TARS3: variants seen among roughly 807,000 people sequenced by gnomAD.
The protein encoded by TARS3 is threonine--tRNA ligase 2, cytoplasmic.
A neutral mutation model predicts 103.5 loss-of-function variants in TARS3; 94 were observed. That is an observed-to-expected ratio of 0.91 (90% CI 0.77 to 1.08). TARS3 has a LOEUF of 1.08. Among genes scored for constraint, TARS3 ranks in the 50% least tolerant of loss-of-function variants. The pLI, the probability that TARS3 is intolerant of heterozygous loss-of-function variation, is 0.00. For synonymous variants in TARS3, 416 were observed against 355.4 expected (o/e 1.17, Z -1.92); for missense variants, 952 against 995.2 (o/e 0.96, Z 0.58).
chr15:101,654,310 T>C lies in TARS3; in HGVS notation c.*272A>G, dbSNP rs1349003969. ...CATAATCATTTCCTAGTGTTTTGTT[T>C]CACTTTCTCGATGAATAATATTTCC... On this transcript the variant is annotated 3_prime_UTR_variant, in exon 19 of 19. Transcript: ENST00000335968. 2 of 336,434 alleles carry C rather than the reference T, an allele frequency of 5.9e-6. No homozygotes were observed. The highest frequency in any genetic ancestry group is 4.2e-5 in the African/African-American group (2 of 47,088). The allele number at this position is 336,434 out of a possible 1,614,324, so 20.8% of individuals were successfully genotyped here.
intron 10 of TARS3, among the ~76,000 whole-genome samples, chr15:101,686,498 A>T (rs1006255130): frequency 6.6e-6 from 1 of 152,188 alleles, no homozygotes; most frequent in Non-Finnish European, 1.5e-5. Context: ...ATTTTAGTGT[A>T]TAACGATTTA....
At chr15:101,679,304 G>A (rs904441964) in intron 12 of TARS3, among the ~76,000 whole-genome samples, 10 of 152,028 alleles carry the variant, frequency 6.6e-5, no homozygotes, top group African/African-American at 2.2e-4. Flanking sequence ...CTGTTCTCAG[G>A]CTCTGTTCTT....
At chr15:101,675,537 G>A in intron 13 of TARS3, 63 bp downstream of exon 13, 1 of 1,499,952 alleles carries the variant, frequency 6.7e-7, no homozygotes, top group Non-Finnish European at 9.1e-7. Flanking sequence ...TGTGAAGACT[G>A]CAGCCTCTCA....
chr15:101,667,739 TTTTTTA>T lies in TARS3; in HGVS notation c.1967+3741_1967+3746del, dbSNP rs1019727753. Reference sequence around the variant, plus strand: ...GCACCCACCACCACGCCCAGCTAATTTTTTTATTTTTATTTTTGTATTTTTAGTAGA... The same window carrying T: ...GCACCCACCACCACGCCCAGCTAATTTTTTTATTTTTGTATTTTTAGTAGA... On this transcript the variant is annotated intron_variant, in intron 15 of 18. Transcript: ENST00000335968. Among the ~76,000 whole-genome samples the T allele has an allele frequency of 1.1e-4, 17 of 151,846 alleles. 1 individual carries two copies. The highest frequency in any genetic ancestry group is 4.1e-4 in the African/African-American group (17 of 41,344).
Position 101,702,266 on chromosome 15 carries a change from C to G in TARS3, c.1194G>C (p.Lys398Asn), listed in dbSNP as rs1312450410. 1.2e-6 allele frequency: 2 copies of G among 1,613,974 alleles called. No homozygotes were observed. Among genetic ancestry groups the G allele is most frequent in the African/African-American group, 1.3e-5 (1 of 74,916 alleles). ...RDWEKFQEEA[K>N]NRDHRKIGKE... ...TCCCGATCTTCCTGTGATCTCGGTT[C>G]TTTGCTTCCTCTTGGAACTTTTCCC... Residue 398 changes from lysine to asparagine, a missense_variant, in exon 9 of 19, where the codon AAG becomes AAC. Physicochemically the swap from Lys to Asn is moderately conservative, Grantham distance 94 (BLOSUM62 0). Coordinates refer to ENST00000335968, the MANE Select transcript of TARS3 (RefSeq NM_152334.3).
At chr15:101,681,807 T>A (rs187468593) in intron 12 of TARS3, among the ~76,000 whole-genome samples, 64 of 152,312 alleles carry the variant, frequency 4.2e-4, no homozygotes, top group African/African-American at 1.5e-3. Flanking sequence ...CACCATCACA[T>A]TGGGGGTTAG....
chr15:101,703,650 A>C (rs1047269546), intron 8 of TARS3, among the ~76,000 whole-genome samples: 3 of 152,210 alleles, frequency 2.0e-5, no homozygotes, highest in Non-Finnish European at 2.9e-5. Context: ...CACTTACAAT[A>C]AGGTAAAATG....
chr15:101,721,267 TTCAG>T lies in TARS3; in HGVS notation c.421_424del (p.Leu141ArgfsTer23). The T allele has an allele frequency of 6.2e-7, 1 of 1,613,796 alleles. No individual in the cohort carries two copies. The highest frequency in any genetic ancestry group is 8.5e-7 in the Non-Finnish European group (1 of 1,179,718). On this transcript the variant is annotated frameshift_variant, in exon 3 of 19. Transcript: ENST00000335968. LOFTEE classifies it high-confidence loss of function. ...GGCAAGTAAGAGCTGATGGTCTTTC[TTCAG>T]TATTTCAAAAAGCTTCAATCTTTCT...
At position 101,671,517 on chromosome 15, in the gene TARS3, G is replaced by A; in HGVS notation, c.1936C>T (p.Leu646=). Residue 646 remains leucine, a synonymous_variant, in exon 15 of 19, where the codon CTG becomes TTG. Transcript: ENST00000335968. ...QCATIQLDFQ[L]PIRFNLTYVS... ...TATGTGAGATTAAATCTAATAGGCA[G>A]TTGGAAGTCCAGCTGAATTGTAGCA... 11 of 1,610,676 alleles carry A rather than the reference G, an allele frequency of 6.8e-6. No homozygotes were observed. Among genetic ancestry groups the A allele is most frequent in the Non-Finnish European group, 9.3e-6 (11 of 1,177,076 alleles).
chr15:101,671,586 T>C lies in TARS3; in HGVS notation c.1867A>G (p.Ile623Val). Residue 623 changes from isoleucine to valine, a missense_variant and splice_region_variant, in exon 15 of 19, where the codon ATT becomes GTT. Ile to Val is a conservative substitution (Grantham distance 29, BLOSUM62 3). Transcript: ENST00000335968. ...PGDGAFYGPK[I>V]DIKIKDAIGR... ...ATAGCATCCTTGATTTTTATGTCAA[T>C]CTACAAATTAAATAATGTTTGCTCA... 6.2e-7 allele frequency: 1 copy of C among 1,610,538 alleles called. No individual in the cohort carries two copies. Among genetic ancestry groups the C allele is most frequent in the Non-Finnish European group, 8.5e-7 (1 of 1,177,000 alleles).
chr15:101,687,074 G>A (rs1898506028), intron 10 of TARS3, among the ~76,000 whole-genome samples: 1 of 152,082 alleles, frequency 6.6e-6, no homozygotes, highest in Non-Finnish European at 1.5e-5. Context: ...CATTCAGTGA[G>A]CTGCTTTACC....
intron 3 of TARS3, 90 bp from the exon 4 acceptor site, chr15:101,715,053 T>C: frequency 7.5e-7 from 1 of 1,339,050 alleles, no homozygotes; most frequent in Non-Finnish European, 1.0e-6. Flanking sequence ...GTTTTTTTTT[T>C]TTGAAGTGTA....
At chr15:101,702,502 G>T in intron 8 of TARS3, 117 bp from the exon 9 acceptor site, 1 of 846,852 alleles carries the variant, frequency 1.2e-6, no homozygotes, top group Non-Finnish European at 1.9e-6. Context: ...CTGCATGGTG[G>T]CTCATGCCTA....
intron 4 of TARS3, among the ~76,000 whole-genome samples, chr15:101,714,524 G>A (rs1900032487): frequency 6.9e-6 from 1 of 145,652 alleles, no homozygotes; most frequent in South Asian, 2.2e-4. Context: ...AGGATCACCT[G>A]AGCCAGGGGA....
At chr15:101,684,028 C>T in intron 12 of TARS3, 47 bp downstream of exon 12, 2 of 1,575,358 alleles carry the variant, frequency 1.3e-6, no homozygotes, top group Admixed American at 1.8e-5. Flanking sequence ...TGCGGGGCAT[C>T]ACACTCAATT....
At chr15:101,672,699 T>C (rs1197036601) in intron 13 of TARS3, among the ~76,000 whole-genome samples, 2 of 152,160 alleles carry the variant, frequency 1.3e-5, no homozygotes, top group Non-Finnish European at 2.9e-5. Flanking sequence ...CCTGGGATCC[T>C]GGGAGTGTCC....
chr15:101,669,799 C>T (rs934280210), intron 15 of TARS3, among the ~76,000 whole-genome samples: 1 of 152,184 alleles, frequency 6.6e-6, no homozygotes, highest in African/African-American at 2.4e-5. Context: ...TAAGCACACT[C>T]GGTGATGTTC....
In TARS3 at chr15:101,724,188, C is replaced by T; in HGVS notation, c.200G>A (p.Arg67His). Residue 67 changes from arginine (R) to histidine (H), a missense_variant, in exon 1 of 19, where the codon CGC (arginine) becomes CAC (histidine). By Grantham distance (29) the Arg-to-His change is conservative. Transcript: ENST00000335968. ...GAGGCACAGCCGCAGGCTGCACAGG[C>T]GGTGGCGCAGGTCGCAGTTCTCGGC... ...LRAENCDLRH[R>H]LCSLRLCLAE... 1.3e-6 allele frequency: 2 copies of T among 1,519,328 alleles called. No homozygotes were observed. Among genetic ancestry groups the T allele is most frequent in the Non-Finnish European group, 1.8e-6 (2 of 1,139,422 alleles). The allele number at this position is 1,519,328 out of a possible 1,614,324, so 94.1% of individuals were successfully genotyped here. A position where few individuals can be genotyped will look rare whatever the true frequency, so the allele number is the denominator to read the frequency against.
chr15:101,657,970 T>C (rs907484527), intron 16 of TARS3, 113 bp from the exon 17 acceptor site: 6 of 627,800 alleles, frequency 9.6e-6, no homozygotes, highest in African/African-American at 9.4e-5. Flanking sequence ...GCAGTTTCAG[T>C]AGCGCAGCAT....
Sources: allele counts gnomAD v4.1 joint callset (sites outside exome capture counted in the v4.1 genomes callset), GRCh38; gene constraint gnomAD v4.1.1; transcripts MANE v1.5; gene names NCBI Gene and HGNC (gene_info 2026-07-23, HGNC 2026-07-21).